KIAA0753: variants seen among roughly 807,000 people sequenced by gnomAD.
KIAA0753 encodes KIAA0753.
KIAA0753 carries 114 observed loss-of-function variants against 116.9 expected under a neutral mutation model. The observed-to-expected ratio is 0.98, with a 90% CI of 0.84 to 1.14. The LOEUF is 1.14. Ranked by LOEUF, KIAA0753 falls within the 50% of genes most tolerant of loss-of-function variation. KIAA0753 has a pLI of 0.00. For synonymous variants in KIAA0753, 405 were observed against 413.1 expected (o/e 0.98, Z 0.24); for missense variants, 1,156 against 1,172.4 (o/e 0.99, Z 0.20).
chr17:6,632,931 A>T (rs1972097131), intron 2 of KIAA0753, among the ~76,000 whole-genome samples: 1 of 152,236 alleles, frequency 6.6e-6, no homozygotes, highest in Non-Finnish European at 1.5e-5. Flanking sequence ...GAGGCATGAC[A>T]ATGTAATGCA....
intron 18 of KIAA0753, among the ~76,000 whole-genome samples, chr17:6,583,342 T>A (rs1203258962): frequency 6.6e-6 from 1 of 152,168 alleles, no homozygotes; most frequent in Admixed American, 6.5e-5. Flanking sequence ...TTTCTTTTTA[T>A]TTTCCTTGCT....
intron 2 of KIAA0753, among the ~76,000 whole-genome samples, chr17:6,629,220 C>T (rs1265851609): frequency 1.3e-5 from 2 of 152,210 alleles, no homozygotes; most frequent in African/African-American, 4.8e-5. Context: ...TTACCCTGCC[C>T]CTAAGTGTAT....
chr17:6,608,685 A>G (rs543589085), intron 9 of KIAA0753, among the ~76,000 whole-genome samples: 1 of 152,342 alleles, frequency 6.6e-6, no homozygotes, highest in South Asian at 2.1e-4. Context: ...AGAAGCCATC[A>G]CCATTTTAAA....
chr17:6,580,315 AC>A (rs1246508785), intron 18 of KIAA0753, among the ~76,000 whole-genome samples: 6 of 148,850 alleles, frequency 4.0e-5, no homozygotes, highest in Non-Finnish European at 7.4e-5. Context: ...CAGCCAAGAT[AC>A]TTTTTTTTTT....
chr17:6,624,628 A>G, intron 4 of KIAA0753, 127 bp downstream of exon 4: 1 of 630,412 alleles, frequency 1.6e-6, no homozygotes, highest in African/African-American at 1.8e-5. Flanking sequence ...ATTGAGCCTC[A>G]CAAATCTGTC....
rs1487753073 is a variant in KIAA0753, at chr17:6,639,887, TCTC to T, written c.-69+747_-69+749del. ...CAGCCCCGGGGACTTCTATCTTCGG[TCTC>T]CTCCTCCCCAGACCCGGTCACCCAC... On this transcript the variant is annotated intron_variant, in intron 1 of 18. Coordinates refer to ENST00000361413, the MANE Select transcript of KIAA0753 (RefSeq NM_014804.3). The surrounding 1 kb of genome is among the most constrained non-coding windows in gnomAD (Gnocchi z 4.3). 5 of 152,366 alleles carry T rather than the reference TCTC, an allele frequency of 3.3e-5. No homozygotes were observed. The highest frequency in any genetic ancestry group is 7.3e-5 in the Non-Finnish European group (5 of 68,330). 9.4% of individuals were successfully genotyped at this position (152,366 alleles called of 1,614,324 possible). A position where few individuals can be genotyped will look rare whatever the true frequency, so the allele number is the denominator to read the frequency against.
chr17:6,623,241 G>T, intron 5 of KIAA0753, 144 bp from the exon 6 acceptor site: 1 of 880,622 alleles, frequency 1.1e-6, no homozygotes, highest in Non-Finnish European at 1.7e-6. Flanking sequence ...AAAGGGAGTT[G>T]TAAAGTTTAA....
chr17:6,617,828 T>C (rs8064495), intron 7 of KIAA0753, among the ~76,000 whole-genome samples: 97,854 of 152,156 alleles, frequency 0.64, 32,155 homozygotes, highest in African/African-American at 0.78. Flanking sequence ...ACTAGCTGGG[T>C]GCAGTGGCTC....
rs1430942090 is a variant in KIAA0753, at chr17:6,610,105, A to G, written c.1601T>C (p.Val534Ala). Residue 534 changes from valine (V) to alanine (A), a missense_variant, in exon 9 of 19, where the codon GTG becomes GCG. Physicochemically the swap from Val to Ala is moderately conservative, Grantham distance 64. Coordinates refer to ENST00000361413, the MANE Select transcript of KIAA0753 (RefSeq NM_014804.3). Reference sequence around the variant, plus strand: ...TCTGGATGAAACTGTTGTCTGCTGCACTCTGCTTTTACTGTGAGGTTGGCT... The same window carrying G: ...TCTGGATGAAACTGTTGTCTGCTGCGCTCTGCTTTTACTGTGAGGTTGGCT... ...RQSQPHSKSR[V>A]QQTTVSSRLK... The G allele has an allele frequency of 6.2e-7, 1 of 1,613,980 alleles. No homozygotes were observed. Among genetic ancestry groups the G allele is most frequent in the Non-Finnish European group, 8.5e-7 (1 of 1,179,990 alleles).
intron 18 of KIAA0753, among the ~76,000 whole-genome samples, chr17:6,589,487 G>C (rs140722948): frequency 6.6e-6 from 1 of 152,182 alleles, no homozygotes; most frequent in Non-Finnish European, 1.5e-5. Flanking sequence ...ATGACAGCCT[G>C]AGCTGACTAG....
At chr17:6,607,541 T>C (rs1432553384) in intron 10 of KIAA0753, among the ~76,000 whole-genome samples, 2 of 152,242 alleles carry the variant, frequency 1.3e-5, no homozygotes, top group South Asian at 2.1e-4. Flanking sequence ...GGTTTCTTAT[T>C]AGACTCAAAC....
chr17:6,612,074 T>C lies in KIAA0753; in HGVS notation c.1390A>G (p.Ile464Val), dbSNP rs770791666. ...QSELDVLDAD[I>V]VLEEGPFILD... The stretch of plus-strand genomic sequence containing the variant: ...ATAAATGGTCCTTCTTCCAGAACTA[T>C]ATCCGCATCTAATACATCAAGCTCA... Residue 464 changes from isoleucine (I) to valine (V), a missense_variant, in exon 8 of 19, where the codon ATA becomes GTA. By Grantham distance (29) the Ile-to-Val change is conservative. Coordinates refer to ENST00000361413, the MANE Select transcript of KIAA0753 (RefSeq NM_014804.3). 31 of 1,614,194 alleles carry C rather than the reference T, an allele frequency of 1.9e-5. 1 individual carries two copies. In the South Asian group the frequency reaches 2.9e-4, roughly 15 times the overall value.
chr17:6,621,632 A>T (rs569846556), intron 6 of KIAA0753, among the ~76,000 whole-genome samples: 1 of 152,338 alleles, frequency 6.6e-6, no homozygotes, highest in South Asian at 2.1e-4. Context: ...ATGTAGGGCC[A>T]CAAGAGGAAA....
chr17:6,623,183 T>C, intron 5 of KIAA0753, 86 bp from the exon 6 acceptor site: 1 of 1,285,392 alleles, frequency 7.8e-7, no homozygotes, highest in Non-Finnish European at 1.1e-6. Flanking sequence ...TTATAGCCTG[T>C]CTTCTTTCTG....
chr17:6,623,737 A>G, intron 4 of KIAA0753, 166 bp from the exon 5 acceptor site: 1 of 956,446 alleles, frequency 1.0e-6, no homozygotes, highest in South Asian at 2.0e-5. Flanking sequence ...AAAAACAGTT[A>G]CTGGTTTCCA....
Position 6,584,501 on chromosome 17 carries a change from T to C in KIAA0753, c.2787-4637A>G, listed in dbSNP as rs533782763. On this transcript the variant is annotated intron_variant, in intron 18 of 18. Transcript: ENST00000361413. Reference sequence around the variant, plus strand: ...ATTTATACCCAAACTGTGAGAGAAATACAAGGGTACTTCTGCTACATTCCA... The same window carrying C: ...ATTTATACCCAAACTGTGAGAGAAACACAAGGGTACTTCTGCTACATTCCA... Among the ~76,000 whole-genome samples the C allele has an allele frequency of 2.0e-5, 3 of 152,352 alleles. No individual in the cohort carries two copies. The South Asian group carries it at 6.2e-4, about 32-fold the overall frequency.
At chr17:6,583,377 C>T (rs1013923534) in intron 18 of KIAA0753, among the ~76,000 whole-genome samples, 4 of 152,110 alleles carry the variant, frequency 2.6e-5, no homozygotes, top group African/African-American at 9.7e-5. Flanking sequence ...CTTCTTGAAT[C>T]TACGGCTTGA....
At chr17:6,617,266 G>C (rs1309422199) in intron 7 of KIAA0753, among the ~76,000 whole-genome samples, 1 of 152,146 alleles carries the variant, frequency 6.6e-6, no homozygotes, top group Admixed American at 6.5e-5. Flanking sequence ...TCATCATAGA[G>C]GATATAAGGA....
chr17:6,591,752 C>T (rs1969082591), intron 16 of KIAA0753, among the ~76,000 whole-genome samples: 1 of 152,224 alleles, frequency 6.6e-6, no homozygotes, highest in Non-Finnish European at 1.5e-5. Context: ...GCCAAACCAT[C>T]AGGGAAACGA....
Sources: gnomAD v4.1 joint callset for allele counts (sites outside exome capture counted in the v4.1 genomes callset) on GRCh38, gnomAD v4.1.1 for gene constraint, Gnocchi (gnomAD v3.1) non-coding constraint, MANE v1.5 for transcripts, NCBI Gene and HGNC (gene_info 2026-07-23, HGNC 2026-07-21) for gene names.